Variants in CDH13 observed in about 807,000 individuals in gnomAD.
CDH13 encodes the protein cadherin-13.
A neutral mutation model predicts 63.8 loss-of-function variants in CDH13; 24 were observed. The observed-to-expected ratio is 0.38, with a 90% CI of 0.27 to 0.53. CDH13 has a LOEUF of 0.53. Among genes scored for constraint, CDH13 ranks in the 20% least tolerant of loss-of-function variants. The probability of loss-of-function intolerance (pLI) is 0.85; values close to 1 mark genes in which losing one functional copy is unlikely to be tolerated. For missense variants in CDH13, 1,049 were observed against 903.1 expected (o/e 1.16, Z -2.07); for synonymous variants, 503 against 355.3 (o/e 1.42, Z -4.67).
At chr16:83,276,981 A>G (rs1442123487) in intron 5 of CDH13, among the ~76,000 whole-genome samples, 1 of 152,186 alleles carries the variant, frequency 6.6e-6, no homozygotes, top group Non-Finnish European at 1.5e-5. Context: ...GAGACTTACA[A>G]TCATGAGAAC....
intron 6 of CDH13, among the ~76,000 whole-genome samples, chr16:83,368,073 A>T (rs1030411091): frequency 6.6e-6 from 1 of 152,180 alleles, no homozygotes; most frequent in African/African-American, 2.4e-5. Flanking sequence ...TATGTGGATT[A>T]TTCATTGTTA....
At chr16:83,634,652 C>T (rs78975153) in intron 8 of CDH13, among the ~76,000 whole-genome samples, 3 of 152,062 alleles carry the variant, frequency 2.0e-5, no homozygotes, top group Non-Finnish European at 2.9e-5. Context: ...CCACCTGCCT[C>T]GGCCTCCCAA....
At chr16:82,636,477 C>T (rs1009589739) in intron 1 of CDH13, among the ~76,000 whole-genome samples, 1 of 152,154 alleles carries the variant, frequency 6.6e-6, no homozygotes, top group East Asian at 1.9e-4. Context: ...ACTTTTCATG[C>T]ACAAGATATT....
At chr16:83,105,442 G>T (rs147365718) in intron 3 of CDH13, among the ~76,000 whole-genome samples, 7 of 152,324 alleles carry the variant, frequency 4.6e-5, no homozygotes, top group Admixed American at 4.6e-4. Context: ...CCTTCTGCCA[G>T]TTTATGAGGC....
intron 1 of CDH13, among the ~76,000 whole-genome samples, chr16:82,627,940 C>T (rs1027749179): frequency 7.2e-5 from 11 of 152,252 alleles, no homozygotes; most frequent in Non-Finnish European, 1.2e-4. Context: ...CAAGCCTTGC[C>T]CACCCGGGCT....
chr16:82,722,253 C>G (rs1405101896), intron 1 of CDH13, among the ~76,000 whole-genome samples: 1 of 152,080 alleles, frequency 6.6e-6, no homozygotes, highest in East Asian at 1.9e-4. Context: ...GAGTTTTAGG[C>G]AAAACTGAAT....
At chr16:83,068,555 A>G (rs566881307) in intron 3 of CDH13, among the ~76,000 whole-genome samples, 1 of 152,180 alleles carries the variant, frequency 6.6e-6, no homozygotes, top group Admixed American at 6.6e-5. Flanking sequence ...CTCTTTAAAC[A>G]CTATGGCCTG....
intron 6 of CDH13, among the ~76,000 whole-genome samples, chr16:83,412,889 T>C (rs139687404): frequency 1.3e-5 from 2 of 152,072 alleles, no homozygotes; most frequent in Non-Finnish European, 2.9e-5. Flanking sequence ...CAAAAGGGGG[T>C]TTATTTCATG....
intron 2 of CDH13, among the ~76,000 whole-genome samples, chr16:83,023,949 T>C (rs1597161007): frequency 1.3e-5 from 2 of 152,248 alleles, no homozygotes; most frequent in African/African-American, 4.8e-5. Context: ...CCTTTAGATA[T>C]TGCCAAAGCT....
At position 82,797,337 on chromosome 16, in the gene CDH13, C is replaced by A. The variant is rs113942059; in HGVS notation, c.46-61025C>A. On this transcript the variant is annotated intron_variant, in intron 1 of 13. Transcript: ENST00000567109. ...AAGAATAAATACAGAGCAAGTACTA[C>A]GGTAGCTGCAGAAAGAGCATCGCCA... 1.4e-4 allele frequency among the ~76,000 whole-genome samples: 21 copies of A among 152,266 alleles called. No homozygotes were observed. The East Asian group carries it at 2.9e-3, about 21-fold the overall frequency.
At chr16:83,347,901 C>G (rs923100141) in intron 6 of CDH13, among the ~76,000 whole-genome samples, 1 of 152,104 alleles carries the variant, frequency 6.6e-6, no homozygotes, top group Non-Finnish European at 1.5e-5. Context: ...TACAAGAAAC[C>G]CAAGAACCAG....
At chr16:83,412,529 C>T (rs1046295765) in intron 6 of CDH13, among the ~76,000 whole-genome samples, 1 of 152,158 alleles carries the variant, frequency 6.6e-6, no homozygotes, top group Non-Finnish European at 1.5e-5. Flanking sequence ...GAGAGTCAGG[C>T]ATAAGCCCCC....
intron 7 of CDH13, among the ~76,000 whole-genome samples, chr16:83,503,028 T>A (rs963375362): frequency 3.9e-5 from 6 of 152,170 alleles, no homozygotes; most frequent in Non-Finnish European, 8.8e-5. Flanking sequence ...TATGCTTCAG[T>A]TACATAAATC....
At chr16:82,890,995 C>T (rs997145222) in intron 2 of CDH13, among the ~76,000 whole-genome samples, 4 of 151,410 alleles carry the variant, frequency 2.6e-5, no homozygotes, top group Admixed American at 6.6e-5. Flanking sequence ...CACTTGAAGC[C>T]CAGAAAGGCT....
chr16:83,442,970 C>G (rs192352061), intron 6 of CDH13, among the ~76,000 whole-genome samples: 5 of 152,326 alleles, frequency 3.3e-5, no homozygotes, highest in African/African-American at 1.2e-4. Flanking sequence ...TTTTCCTAAA[C>G]AGCTGAATTA....
At chr16:82,663,630 G>A (rs1358380167) in intron 1 of CDH13, among the ~76,000 whole-genome samples, 2 of 152,138 alleles carry the variant, frequency 1.3e-5, no homozygotes, top group Non-Finnish European at 2.9e-5. Context: ...TGCTTTGGCC[G>A]CTTCTTCAGA....
chr16:82,816,944 A>T (rs1794725702), intron 1 of CDH13, among the ~76,000 whole-genome samples: 2 of 151,942 alleles, frequency 1.3e-5, no homozygotes, highest in Admixed American at 1.3e-4. Context: ...GACAGAAAAC[A>T]TGACCTAAAA....
At chr16:82,800,312 G>A (rs143385707) in intron 1 of CDH13, among the ~76,000 whole-genome samples, 50 of 152,068 alleles carry the variant, frequency 3.3e-4, no homozygotes, top group African/African-American at 8.9e-4. Context: ...TATTTTTCTC[G>A]TATGAAGACC....
intron 1 of CDH13, among the ~76,000 whole-genome samples, chr16:82,687,923 T>G (rs926949108): frequency 1.3e-5 from 2 of 152,142 alleles, no homozygotes; most frequent in Non-Finnish European, 1.5e-5. Flanking sequence ...AGGCACCTCC[T>G]TGGACTCAGA....
Sources: allele counts gnomAD v4.1 joint callset (sites outside exome capture counted in the v4.1 genomes callset), GRCh38; gene constraint gnomAD v4.1.1; transcripts MANE v1.5; gene names NCBI Gene and HGNC (gene_info 2026-07-23, HGNC 2026-07-21).